TSNARE1: variants seen among roughly 807,000 people sequenced by gnomAD.
The protein encoded by TSNARE1 is t-SNARE domain containing 1, also known as t-SNARE domain-containing protein 1.
In TSNARE1, 49 loss-of-function variants were observed where a neutral mutation model predicts 62.0. The observed-to-expected ratio is 0.79, with a 90% CI of 0.63 to 1.00. TSNARE1 has a LOEUF of 1.00. Among genes scored for constraint, TSNARE1 ranks in the 50% least tolerant of loss-of-function variants. The pLI is 0.00. For synonymous variants in TSNARE1, 328 were observed against 294.4 expected (o/e 1.11, Z -1.17); for missense variants, 755 against 700.1 (o/e 1.08, Z -0.88).
chr8:142,289,048 C>T (rs965219206), intron 10 of TSNARE1, among the ~76,000 whole-genome samples: 1 of 152,240 alleles, frequency 6.6e-6, no homozygotes, highest in Admixed American at 6.5e-5. Context: ...ATTTTAGGCG[C>T]CCCTCTCTTT....
At chr8:142,311,791 A>T (rs1827668032) in intron 9 of TSNARE1, among the ~76,000 whole-genome samples, 3 of 152,112 alleles carry the variant, frequency 2.0e-5, no homozygotes, top group Non-Finnish European at 4.4e-5. Context: ...TTGCATTTCA[A>T]TATAAGTTTT....
chr8:142,330,864 C>T (rs756692434), intron 6 of TSNARE1, 37 bp downstream of exon 6: 26 of 1,608,752 alleles, frequency 1.6e-5, no homozygotes, highest in Admixed American at 5.0e-5. Flanking sequence ...ATGTGCACCA[C>T]GCCCAGGCAA....
intron 12 of TSNARE1, among the ~76,000 whole-genome samples, chr8:142,252,089 C>T (rs1009668250): frequency 8.6e-5 from 13 of 150,658 alleles, no homozygotes; most frequent in African/African-American, 2.7e-4. Flanking sequence ...CCACCGCTCG[C>T]GTTCTCTATC....
chr8:142,295,131 G>T (rs898432298), intron 10 of TSNARE1, among the ~76,000 whole-genome samples: 12 of 152,164 alleles, frequency 7.9e-5, no homozygotes, highest in African/African-American at 2.9e-4. Flanking sequence ...CAATGTTCCG[G>T]GACCCCTCGA....
intron 13 of TSNARE1, among the ~76,000 whole-genome samples, chr8:142,213,473 T>C (rs1277390102): frequency 6.6e-6 from 1 of 151,506 alleles, no homozygotes; most frequent in Non-Finnish European, 1.5e-5. Flanking sequence ...GCACAACCAA[T>C]AAATCTACTT....
intron 6 of TSNARE1, among the ~76,000 whole-genome samples, chr8:142,328,172 AAAACT>A (rs2131945010): frequency 6.6e-6 from 1 of 152,202 alleles, no homozygotes; most frequent in East Asian, 1.9e-4. Flanking sequence ...TTTAAAAAAA[AAAACT>A]AACTTCCTTC....
intron 6 of TSNARE1, among the ~76,000 whole-genome samples, chr8:142,322,867 T>TG (rs1366348560): frequency 2.0e-5 from 3 of 147,282 alleles, no homozygotes; most frequent in Non-Finnish European, 3.0e-5. Flanking sequence ...GTCTGTGGGC[T>TG]GATGACGATA....
At chr8:142,297,960 C>T (rs762557280) in intron 10 of TSNARE1, among the ~76,000 whole-genome samples, 2 of 152,216 alleles carry the variant, frequency 1.3e-5, no homozygotes, top group Non-Finnish European at 2.9e-5. Flanking sequence ...CTGCGTCACC[C>T]CCATGCTGCA....
At chr8:142,238,501 G>A (rs1817541860) in intron 12 of TSNARE1, among the ~76,000 whole-genome samples, 2 of 150,292 alleles carry the variant, frequency 1.3e-5, no homozygotes, top group South Asian at 4.3e-4. Flanking sequence ...GCAAATGCCG[G>A]AATCTGAGGA....
At position 142,275,906 on chromosome 8, in the gene TSNARE1, A is replaced by C. The variant is rs1190102896; in HGVS notation, c.1364-1043T>G. On this transcript the variant is annotated intron_variant, in intron 11 of 13. Transcript: ENST00000524325. ...CCTCAGAAAGACAAGGCCACTCCCC[A>C]CCGTCCCAGCAAGGACTCCCTACTC... 8 of 985,174 alleles carry C rather than the reference A, an allele frequency of 8.1e-6. No individual in the cohort carries two copies. In the African/African-American group the frequency reaches 1.4e-4, roughly 17 times the overall value. The allele number at this position is 985,174 out of a possible 1,614,324, so 61.0% of individuals were successfully genotyped here. A position where few individuals can be genotyped will look rare whatever the true frequency, so the allele number is the denominator to read the frequency against.
intron 12 of TSNARE1, chr8:142,273,231 C>A (rs1320661631): frequency 2.0e-6 from 2 of 985,310 alleles, no homozygotes; most frequent in African/African-American, 3.5e-5. Context: ...CGTCCTCCTG[C>A]CGTCCCAGGC....
intron 12 of TSNARE1, among the ~76,000 whole-genome samples, chr8:142,271,970 C>T (rs1819612649): frequency 1.3e-5 from 2 of 151,984 alleles, no homozygotes; most frequent in African/African-American, 4.8e-5. Context: ...CACTTGTATT[C>T]ATCCTCCCAC....
intron 11 of TSNARE1, among the ~76,000 whole-genome samples, chr8:142,281,896 C>T (rs886401711): frequency 3.9e-5 from 6 of 152,160 alleles, no homozygotes; most frequent in Non-Finnish European, 8.8e-5. Flanking sequence ...TGACCTCTCG[C>T]CTGTCAGGTC....
rs1210749076 is a variant in TSNARE1 at position 142,354,667 on chromosome 8, C to T, written c.58G>A (p.Gly20Arg). 6.2e-7 allele frequency: 1 copy of T among 1,613,564 alleles called. No individual in the cohort carries two copies. Among genetic ancestry groups the T allele is most frequent in the Non-Finnish European group, 8.5e-7 (1 of 1,179,786 alleles). Residue 20 changes from glycine to arginine, a missense_variant, in exon 2 of 14, where the codon GGA becomes AGA. Coordinates refer to ENST00000524325, the MANE Select transcript of TSNARE1 (RefSeq NM_145003.5). Reference protein sequence around the residue: ...GGLGSRGPFGGPSRQGCQPLE... With the variant: ...GGLGSRGPFGRPSRQGCQPLE... ...GGCTGACAGCCTTGTCTCGAAGGTC[C>T]CCCGAAAGGGCCACGGCTCCCCAGG... is the stretch of plus-strand genomic sequence containing the variant.
chr8:142,308,409 C>T (rs1336752593), intron 9 of TSNARE1, among the ~76,000 whole-genome samples: 2 of 152,156 alleles, frequency 1.3e-5, no homozygotes, highest in African/African-American at 4.8e-5. Flanking sequence ...GCAAAGGGTC[C>T]TTTTTTTCCA....
intron 11 of TSNARE1, among the ~76,000 whole-genome samples, chr8:142,281,206 C>T (rs1365157801): frequency 6.9e-6 from 1 of 144,438 alleles, no homozygotes; most frequent in Non-Finnish European, 1.5e-5. Flanking sequence ...GGCAGCTGAG[C>T]GCTTTAACCA....
chr8:142,222,543 TTCACTCACTCAC>T (rs1224713872), intron 13 of TSNARE1, among the ~76,000 whole-genome samples: 1 of 62,014 alleles, frequency 1.6e-5, no homozygotes, highest in African/African-American at 8.9e-5. Flanking sequence ...CACTCACTCA[TTCACTCACTCAC>T]TCACTCATTC....
At chr8:142,246,978 C>T (rs983674032) in intron 12 of TSNARE1, among the ~76,000 whole-genome samples, 1 of 152,238 alleles carries the variant, frequency 6.6e-6, no homozygotes, top group African/African-American at 2.4e-5. Flanking sequence ...CCTTCCCCTT[C>T]TCAATGAACA....
intron 10 of TSNARE1, among the ~76,000 whole-genome samples, chr8:142,287,627 C>T (rs1207593483): frequency 2.3e-5 from 3 of 132,782 alleles, no homozygotes; most frequent in Admixed American, 2.2e-4. Flanking sequence ...CCCAGGACCC[C>T]GGCCAGATCT....
Sources: allele counts gnomAD v4.1 joint callset (sites outside exome capture counted in the v4.1 genomes callset), GRCh38; gene constraint gnomAD v4.1.1; transcripts MANE v1.5; gene names NCBI Gene and HGNC (gene_info 2026-07-23, HGNC 2026-07-21).